TRAPPC12: variants seen among roughly 807,000 people sequenced by gnomAD.
TRAPPC12 encodes trafficking protein particle complex subunit 12.
Under a neutral mutation model 69.2 loss-of-function variants are expected in TRAPPC12, and 61 were observed. That is an observed-to-expected ratio of 0.88 (90% CI 0.72 to 1.09). The LOEUF (loss-of-function observed/expected upper bound fraction) is 1.09. Among genes scored for constraint, TRAPPC12 ranks in the 50% least tolerant of loss-of-function variants. The pLI, the probability that TRAPPC12 is intolerant of heterozygous loss-of-function variation, is 0.00. For synonymous variants in TRAPPC12, 469 were observed against 438.9 expected (o/e 1.07, Z -0.86); for missense variants, 1,101 against 1,016.4 (o/e 1.08, Z -1.13).
At chr2:3,390,715 A>G (rs916902835) in intron 2 of TRAPPC12, among the ~76,000 whole-genome samples, 3 of 152,286 alleles carry the variant, frequency 2.0e-5, no homozygotes, top group Non-Finnish European at 4.4e-5. Context: ...CCAAGAGTCT[A>G]CCCTAATGTA....
chr2:3,383,595 CG>C (rs1660330451), intron 1 of TRAPPC12, among the ~76,000 whole-genome samples: 1 of 151,596 alleles, frequency 6.6e-6, no homozygotes, highest in Non-Finnish European at 1.5e-5. Flanking sequence ...TTAGTAGAGA[CG>C]GGGTTTTACC....
chr2:3,395,125 T>C (rs530779116), intron 2 of TRAPPC12, among the ~76,000 whole-genome samples: 6 of 152,334 alleles, frequency 3.9e-5, no homozygotes, highest in African/African-American at 1.4e-4. Context: ...GGCACAGTAT[T>C]TCATGTTTCC....
intron 6 of TRAPPC12, among the ~76,000 whole-genome samples, chr2:3,454,134 C>G (rs1665001578): frequency 6.6e-6 from 1 of 152,228 alleles, no homozygotes; most frequent in Admixed American, 6.5e-5. Flanking sequence ...CCTCAGTGAC[C>G]CAGATCCCTG....
intron 5 of TRAPPC12, among the ~76,000 whole-genome samples, chr2:3,442,413 G>A (rs1325625112): frequency 1.3e-5 from 2 of 152,190 alleles, no homozygotes; most frequent in Admixed American, 1.3e-4. Flanking sequence ...CGGTTCCACA[G>A]TGACATGACT....
At chr2:3,397,077 T>C (rs1051084528) in intron 2 of TRAPPC12, among the ~76,000 whole-genome samples, 1 of 152,256 alleles carries the variant, frequency 6.6e-6, no homozygotes, top group Non-Finnish European at 1.5e-5. Flanking sequence ...ATGTACTTTT[T>C]CTCTTAGTTA....
In TRAPPC12 at chr2:3,388,558, C is replaced by T; in HGVS notation, c.935C>T (p.Pro312Leu). The change falls in exon 2 of 12, where the codon CCC becomes CTC. Residue 312 changes from proline (P) to leucine (L), a missense_variant. Physicochemically the swap from Pro to Leu is moderately conservative, Grantham distance 98. Transcript: ENST00000324266. ...EMDRRNDAWL[P>L]GEATRGVLRA... is the part of the protein sequence containing the mutation. The stretch of plus-strand genomic sequence containing the variant: ...GACCGGAGGAACGACGCCTGGCTTC[C>T]CGGCGAGGCTACGCGTGGAGTCCTG... 1.2e-6 allele frequency: 2 copies of T among 1,612,978 alleles called. No individual in the cohort carries two copies. The highest frequency in any genetic ancestry group is 1.7e-6 in the Non-Finnish European group (2 of 1,179,730).
intron 3 of TRAPPC12, among the ~76,000 whole-genome samples, chr2:3,406,467 G>A (rs1323902494): frequency 1.3e-5 from 2 of 152,204 alleles, no homozygotes; most frequent in Admixed American, 1.3e-4. Flanking sequence ...GTGAGTCAAT[G>A]TCAGTCGAAT....
chr2:3,431,470 A>G (rs955466201), intron 5 of TRAPPC12, among the ~76,000 whole-genome samples: 8 of 152,248 alleles, frequency 5.3e-5, no homozygotes, highest in Admixed American at 1.3e-4. Flanking sequence ...AAATGTTGAT[A>G]ACTTCATAAT....
chr2:3,461,242 G>A (rs770176875), intron 8 of TRAPPC12, among the ~76,000 whole-genome samples: 8 of 152,204 alleles, frequency 5.3e-5, no homozygotes, highest in Non-Finnish European at 1.0e-4. Context: ...CATCCCCAGA[G>A]GTGACTGTGA....
At chr2:3,420,884 A>G (rs1468797269) in intron 3 of TRAPPC12, among the ~76,000 whole-genome samples, 6 of 152,292 alleles carry the variant, frequency 3.9e-5, no homozygotes. Flanking sequence ...GTAAACTCCT[A>G]AACTTCTTGT....
intron 7 of TRAPPC12, among the ~76,000 whole-genome samples, chr2:3,458,750 T>G (rs967395382): frequency 6.6e-6 from 1 of 152,162 alleles, no homozygotes; most frequent in Non-Finnish European, 1.5e-5. Flanking sequence ...GGAATGAGCA[T>G]GTAGTTATCA....
At chr2:3,463,669 GCGCCCCCACCA>G (rs1336935163) in intron 8 of TRAPPC12, among the ~76,000 whole-genome samples, 2 of 151,660 alleles carry the variant, frequency 1.3e-5, no homozygotes, top group Non-Finnish European at 2.9e-5. Flanking sequence ...AGTGAGTGCT[GCGCCCCCACCA>G]CGCCCCCACC....
Position 3,382,653 on chromosome 2 carries a change from C to T in TRAPPC12, c.-5+2777C>T, listed in dbSNP as rs535978439. The stretch of plus-strand genomic sequence containing the variant: ...TTAATGATTTTACTGAGGCGAAGCA[C>T]GTGGCTCACGCCTGTAATCTCAGCA... On this transcript the variant is annotated intron_variant, in intron 1 of 11. Transcript: ENST00000324266. 2.0e-5 allele frequency among the ~76,000 whole-genome samples: 3 copies of T among 152,222 alleles called. No homozygotes were observed. In the South Asian group the frequency reaches 6.2e-4, roughly 32 times the overall value.
chr2:3,428,885 G>A (rs527320056), intron 5 of TRAPPC12, among the ~76,000 whole-genome samples: 1 of 152,196 alleles, frequency 6.6e-6, no homozygotes, highest in Non-Finnish European at 1.5e-5. Context: ...TCTGACCTGG[G>A]TGTCCTCTCT....
intron 5 of TRAPPC12, among the ~76,000 whole-genome samples, chr2:3,439,047 A>G (rs1664051387): frequency 1.3e-5 from 2 of 152,054 alleles, no homozygotes; most frequent in South Asian, 2.1e-4. Context: ...CTTTCATACT[A>G]TTTTGCTTTC....
chr2:3,404,640 C>A (rs186335617), intron 3 of TRAPPC12, among the ~76,000 whole-genome samples: 1 of 152,170 alleles, frequency 6.6e-6, no homozygotes, highest in East Asian at 1.9e-4. Flanking sequence ...AATTAAAAAT[C>A]TGTAATAAAC....
At chr2:3,387,558 A>AT in intron 1 of TRAPPC12, 62 bp from the exon 2 acceptor site, 1 of 1,299,792 alleles carries the variant, frequency 7.7e-7, no homozygotes, top group East Asian at 2.6e-5. Context: ...AGCAATACTC[A>AT]TTTTTCGGTT....
At chr2:3,417,036 C>T (rs1662455013) in intron 3 of TRAPPC12, among the ~76,000 whole-genome samples, 1 of 152,072 alleles carries the variant, frequency 6.6e-6, no homozygotes, top group Admixed American at 6.5e-5. Context: ...TCACCTCTCC[C>T]TGGCACATGC....
chr2:3,476,787 C>T (rs530172651), intron 9 of TRAPPC12, among the ~76,000 whole-genome samples: 233 of 152,230 alleles, frequency 1.5e-3, no homozygotes, highest in Middle Eastern at 0.01. Context: ...GGAGGTGAGC[C>T]GCGCGCATTC....
Sources: gnomAD v4.1 joint callset for allele counts (sites outside exome capture counted in the v4.1 genomes callset) on GRCh38, gnomAD v4.1.1 for gene constraint, MANE v1.5 for transcripts, NCBI Gene and HGNC (gene_info 2026-07-23, HGNC 2026-07-21) for gene names.